PRKAG2: variants seen among roughly 807,000 people sequenced by gnomAD.
The protein encoded by PRKAG2 is protein kinase AMP-activated non-catalytic subunit gamma 2, also known as 5'-AMP-activated protein kinase subunit gamma-2.
Under a neutral mutation model 69.6 loss-of-function variants are expected in PRKAG2, and 26 were observed. That is an observed-to-expected ratio of 0.37 (90% CI 0.27 to 0.52). The LOEUF (loss-of-function observed/expected upper bound fraction) is 0.52. Ranked by LOEUF, PRKAG2 falls within the 20% of genes least tolerant of loss-of-function variation. The pLI, the probability that PRKAG2 is intolerant of heterozygous loss-of-function variation, is 0.90. For missense variants in PRKAG2, 557 were observed against 740.0 expected (o/e 0.75, Z 2.87); for synonymous variants, 293 against 285.0 (o/e 1.03, Z -0.28).
At chr7:151,729,425 G>A (rs114005389) in intron 3 of PRKAG2, among the ~76,000 whole-genome samples, 2,118 of 151,176 alleles carry the variant, frequency 0.014, 50 homozygotes, top group African/African-American at 0.049. Flanking sequence ...GGGGGCCGGG[G>A]AGGGCCTTGG....
intron 1 of PRKAG2, among the ~76,000 whole-genome samples, chr7:151,816,301 G>A (rs907521107): frequency 2.0e-5 from 3 of 152,162 alleles, no homozygotes; most frequent in Non-Finnish European, 4.4e-5. Flanking sequence ...TTGCCTACCT[G>A]AGCAGGCCAT....
chr7:151,564,655 T>C (rs1805816703), intron 13 of PRKAG2, among the ~76,000 whole-genome samples: 1 of 152,172 alleles, frequency 6.6e-6, no homozygotes, highest in African/African-American at 2.4e-5. Context: ...ACAAGGTTTC[T>C]GCTGGGAAGG....
At chr7:151,627,654 G>A (rs1441197555) in intron 5 of PRKAG2, among the ~76,000 whole-genome samples, 1 of 152,064 alleles carries the variant, frequency 6.6e-6, no homozygotes, top group Non-Finnish European at 1.5e-5. Context: ...CAAGATTGAG[G>A]CACGTTCTGG....
chr7:151,559,175 C>T (rs1804398552), intron 15 of PRKAG2: 1 of 982,432 alleles, frequency 1.0e-6, no homozygotes, highest in Non-Finnish European at 1.2e-6. Context: ...GAGCCTGGCT[C>T]CCTCTGTTCA....
chr7:151,629,640 A>G (rs1823905797), intron 5 of PRKAG2, among the ~76,000 whole-genome samples: 1 of 152,228 alleles, frequency 6.6e-6, no homozygotes, highest in Non-Finnish European at 1.5e-5. Context: ...TGCTTCCAAG[A>G]TGTTTCTAAC....
intron 4 of PRKAG2, among the ~76,000 whole-genome samples, chr7:151,652,008 A>T (rs1276261460): frequency 6.6e-6 from 1 of 152,224 alleles, no homozygotes; most frequent in Admixed American, 6.5e-5. Context: ...ACAGTTAATA[A>T]TAAAGACTGC....
intron 4 of PRKAG2, among the ~76,000 whole-genome samples, chr7:151,674,736 C>A (rs1237687055): frequency 1.3e-5 from 2 of 149,542 alleles, no homozygotes; most frequent in Admixed American, 1.3e-4. Context: ...AAATCTTAAA[C>A]CTCTAGAATA....
chr7:151,809,180 A>C (rs2078286340), intron 1 of PRKAG2: 1 of 454,438 alleles, frequency 2.2e-6, no homozygotes, highest in East Asian at 7.0e-5. Flanking sequence ...TCTTGGCCTA[A>C]TACTAAGGGC....
chr7:151,599,561 G>T (rs372065177), intron 5 of PRKAG2, among the ~76,000 whole-genome samples: 1 of 152,160 alleles, frequency 6.6e-6, no homozygotes, highest in Non-Finnish European at 1.5e-5. Context: ...TTCCACTGGG[G>T]GTGGTAGTGG....
At chr7:151,872,853 T>C (rs1476237229) in intron 1 of PRKAG2, among the ~76,000 whole-genome samples, 2 of 152,028 alleles carry the variant, frequency 1.3e-5, no homozygotes, top group Non-Finnish European at 2.9e-5. Flanking sequence ...GAGGAGGCTA[T>C]CCACAGCGTC....
In PRKAG2 at chr7:151,732,218, G is replaced by A. The variant is rs905978452; in HGVS notation, c.466+48934C>T. ...AGTGGCATGATCACGGCTCATTGCA[G>A]CCTTGACCTCCCCAGGCTTAAGCAA... is the stretch of plus-strand genomic sequence containing the variant. On this transcript the variant is annotated intron_variant, in intron 3 of 15. Transcript: ENST00000287878. Among the ~76,000 whole-genome samples, 5 of 145,240 alleles carry A rather than the reference G, an allele frequency of 3.4e-5. No homozygotes were observed. The East Asian group carries it at 1.0e-3, about 30-fold the overall frequency.
chr7:151,675,220 T>A (rs2151475694), intron 4 of PRKAG2, 200 bp downstream of exon 4: 1 of 658,596 alleles, frequency 1.5e-6, no homozygotes, highest in Middle Eastern at 3.6e-4. Flanking sequence ...CGCACCCAGC[T>A]ATTTTTTGTG....
intron 1 of PRKAG2, among the ~76,000 whole-genome samples, chr7:151,860,913 C>T (rs1434002999): frequency 1.3e-5 from 2 of 152,104 alleles, no homozygotes; most frequent in Non-Finnish European, 2.9e-5. Context: ...TCCAAGGACC[C>T]TAAAGTCCCA....
At chr7:151,803,925 G>A (rs1198298408) in intron 1 of PRKAG2, among the ~76,000 whole-genome samples, 1 of 127,186 alleles carries the variant, frequency 7.9e-6, no homozygotes, top group African/African-American at 3.2e-5. Flanking sequence ...GCAGCAGTGC[G>A]AGACTATGTC....
At chr7:151,826,774 C>A (rs1040469684) in intron 1 of PRKAG2, among the ~76,000 whole-genome samples, 4 of 152,214 alleles carry the variant, frequency 2.6e-5, no homozygotes, top group African/African-American at 9.7e-5. Flanking sequence ...ACTGATCAAA[C>A]TTGTTTTTCA....
chr7:151,842,950 C>G (rs2079346688), intron 1 of PRKAG2, among the ~76,000 whole-genome samples: 1 of 151,980 alleles, frequency 6.6e-6, no homozygotes. Flanking sequence ...CTTCCCTGTC[C>G]CTACTTTGGG....
chr7:151,677,161 G>A (rs1731973154), intron 3 of PRKAG2, among the ~76,000 whole-genome samples: 2 of 152,130 alleles, frequency 1.3e-5, no homozygotes, highest in South Asian at 2.1e-4. Flanking sequence ...GCAGAATCTG[G>A]CTTTGGGTCT....
chr7:151,564,276 A>AT (rs1454206606), intron 13 of PRKAG2, 52 bp from the exon 14 acceptor site: 1 of 1,597,910 alleles, frequency 6.3e-7, no homozygotes, highest in Non-Finnish European at 8.6e-7. Flanking sequence ...GTTCACTTCA[A>AT]TGACCAAAAT....
intron 3 of PRKAG2, among the ~76,000 whole-genome samples, chr7:151,763,163 C>T (rs1309373087): frequency 3.3e-5 from 5 of 152,208 alleles, no homozygotes; most frequent in Admixed American, 6.5e-5. Flanking sequence ...CGGGTGGGCT[C>T]GGAAGTGCCA....
Sources: allele counts gnomAD v4.1 joint callset (sites outside exome capture counted in the v4.1 genomes callset), GRCh38; gene constraint gnomAD v4.1.1; transcripts MANE v1.5; gene names NCBI Gene and HGNC (gene_info 2026-07-23, HGNC 2026-07-21).